WDR26: variants seen among roughly 807,000 people sequenced by gnomAD.
WDR26 encodes WD repeat domain 26, also known as WD repeat-containing protein 26.
In WDR26, 5 loss-of-function variants were observed where a neutral mutation model predicts 84.1. The observed-to-expected ratio is 0.06, with a 90% CI of 0.03 to 0.13. The LOEUF (loss-of-function observed/expected upper bound fraction) is 0.13. WDR26 is among the 10% of genes least tolerant of loss of function. The pLI, the probability that WDR26 is intolerant of heterozygous loss-of-function variation, is 1.00. For missense variants in WDR26, 642 were observed against 974.9 expected, an observed-to-expected ratio of 0.66 and a Z score of 4.55; for synonymous variants, 415 against 389.6, an observed-to-expected ratio of 1.07 and a Z score of -0.77.
At chr1:224,421,360 G>A (rs1254709125) in intron 4 of WDR26, among the ~76,000 whole-genome samples, 1 of 152,170 alleles carries the variant, frequency 6.6e-6, no homozygotes, top group East Asian at 1.9e-4. Context: ...TGAGGCAGGA[G>A]GATCACCTGA....
chr1:224,425,791 C>T (rs892181296), intron 3 of WDR26, among the ~76,000 whole-genome samples: 3 of 152,100 alleles, frequency 2.0e-5, no homozygotes, highest in Non-Finnish European at 4.4e-5. Context: ...CCAAGGAATA[C>T]AGCGGTAAAG....
chr1:224,432,799 C>T (rs142811131), intron 1 of WDR26, among the ~76,000 whole-genome samples: 36 of 152,270 alleles, frequency 2.4e-4, no homozygotes, highest in African/African-American at 7.0e-4. Flanking sequence ...ATTCTGACTC[C>T]GTCTCTTGCA....
chr1:224,392,006 A>G (rs879801643), intron 13 of WDR26, among the ~76,000 whole-genome samples: 2 of 152,206 alleles, frequency 1.3e-5, no homozygotes, highest in Non-Finnish European at 2.9e-5. Context: ...GTGAGGATCT[A>G]CATTAGTCAG....
chr1:224,407,570 G>A (rs1235063872), intron 7 of WDR26, among the ~76,000 whole-genome samples: 1 of 149,410 alleles, frequency 6.7e-6, no homozygotes, highest in East Asian at 2.0e-4. Flanking sequence ...GTGCAGTGGC[G>A]CAATCTCAAT....
chr1:224,393,116 AT>A (rs1163014958), intron 13 of WDR26, among the ~76,000 whole-genome samples: 1 of 152,186 alleles, frequency 6.6e-6, no homozygotes. Context: ...GCCTTTCTTC[AT>A]CCCCAAGTAT....
intron 5 of WDR26, chr1:224,419,307 A>T (rs1239932472): frequency 2.0e-6 from 1 of 503,006 alleles, no homozygotes; most frequent in African/African-American, 1.9e-5. Context: ...TACAAATGAA[A>T]GAAGGGCTGC....
chr1:224,389,906 G>GT, intron 13 of WDR26, 46 bp from the exon 14 acceptor site: 17 of 470,744 alleles, frequency 3.6e-5, no homozygotes, highest in Non-Finnish European at 5.5e-5. Flanking sequence ...GCGGGGGAGG[G>GT]AAGAGGGGAA....
At chr1:224,430,439 C>T (rs1674359210) in intron 3 of WDR26, 1 of 151,868 alleles carries the variant, frequency 6.6e-6, no homozygotes, top group South Asian at 2.1e-4. Flanking sequence ...AAGCCCATTT[C>T]TCTAGGATTA....
At chr1:224,403,148 G>A (rs1654495766) in intron 8 of WDR26, among the ~76,000 whole-genome samples, 1 of 151,958 alleles carries the variant, frequency 6.6e-6, no homozygotes, top group African/African-American at 2.4e-5. Context: ...TGCCTCCTGG[G>A]TTCAAGCGAT....
chr1:224,400,991 G>A lies in WDR26; in HGVS notation c.1678C>T (p.Arg560Cys). 1.2e-6 allele frequency: 2 copies of A among 1,614,042 alleles called. No homozygotes were observed. Among genetic ancestry groups the A allele is most frequent in the Non-Finnish European group, 1.7e-6 (2 of 1,180,000 alleles). ...CCACGCTGACCTCCAGTCACAAAGC[G>A]CTTCCCATCTGGATTCCAAGCCACA... is the stretch of plus-strand genomic sequence containing the variant. Residue 560 changes from arginine (R) to cysteine (C), a missense_variant, in exon 9 of 14, where the codon CGC becomes TGC. Physicochemically the swap from Arg to Cys is radical, Grantham distance 180 (BLOSUM62 -3). Coordinates refer to ENST00000414423, the MANE Select transcript of WDR26 (RefSeq NM_001379403.1).
chr1:224,419,650 A>C (rs1673999727), intron 4 of WDR26, 35 bp from the exon 5 acceptor site: 1 of 1,503,610 alleles, frequency 6.7e-7, no homozygotes, highest in African/African-American at 1.4e-5. Flanking sequence ...CCAATATTAA[A>C]CCCATTTCTT....
intron 13 of WDR26, among the ~76,000 whole-genome samples, chr1:224,391,368 A>AT (rs1673120203): frequency 8.8e-6 from 1 of 113,690 alleles, no homozygotes; most frequent in Non-Finnish European, 1.8e-5. Context: ...TGTCTCAAAA[A>AT]AAAAAAAAAA....
chr1:224,426,875 T>C (rs1197232403), intron 3 of WDR26, among the ~76,000 whole-genome samples: 5 of 151,076 alleles, frequency 3.3e-5, no homozygotes, highest in South Asian at 2.1e-4. Context: ...GGCGGGTGGA[T>C]CACGAGGTCA....
At chr1:224,390,829 G>A (rs780482314) in intron 13 of WDR26, among the ~76,000 whole-genome samples, 17 of 152,090 alleles carry the variant, frequency 1.1e-4, no homozygotes, top group Admixed American at 6.5e-4. Context: ...GGTTTTTAGT[G>A]TACCCACAGA....
chr1:224,385,622 A>G lies in WDR26; in HGVS notation c.*4213T>C, dbSNP rs1672976297. 1 of 152,646 alleles carries G rather than the reference A, an allele frequency of 6.6e-6. No homozygotes were observed. The highest frequency in any genetic ancestry group is 6.5e-5 in the Admixed American group (1 of 15,278). 9.5% of individuals were successfully genotyped at this position (152,646 alleles called of 1,614,324 possible). A position where few individuals can be genotyped will look rare whatever the true frequency, so the allele number is the denominator to read the frequency against. On this transcript the variant is annotated 3_prime_UTR_variant, in exon 14 of 14. Coordinates refer to ENST00000414423, the MANE Select transcript of WDR26 (RefSeq NM_001379403.1). ...TGACAATTTAGAAATCTTGAGATCA[A>G]CACTTAAGTTCTTTTCTTGATCTCT...
chr1:224,434,182 G>A lies in WDR26; in HGVS notation c.224C>T (p.Pro75Leu), dbSNP rs1454918747. 1.1e-5 allele frequency: 16 copies of A among 1,421,556 alleles called. No homozygotes were observed. Among genetic ancestry groups the A allele is most frequent in the Non-Finnish European group, 1.4e-5 (15 of 1,093,258 alleles). The allele number at this position is 1,421,556 out of a possible 1,614,324, so 88.1% of individuals were successfully genotyped here. The change falls in exon 1 of 14, where the codon CCC (proline) becomes CTC (leucine). Residue 75 changes from proline to leucine, a missense_variant. Physicochemically the swap from Pro to Leu is moderately conservative, Grantham distance 98. Coordinates refer to ENST00000414423, the MANE Select transcript of WDR26 (RefSeq NM_001379403.1). ...GGCGGCGGGAGGGGCAGCAGCCGGG[G>A]GAAGTCCCACCACTACCACCACGGA... is the stretch of plus-strand genomic sequence containing the variant.
At chr1:224,419,763 G>T in intron 4 of WDR26, 148 bp from the exon 5 acceptor site, 1 of 612,602 alleles carries the variant, frequency 1.6e-6, no homozygotes, top group Non-Finnish European at 2.9e-6. Flanking sequence ...AATATAATAT[G>T]GCACCTGCAT....
At position 224,434,749 on chromosome 1, in the gene WDR26, T is replaced by C. The variant is rs112454893; in HGVS notation, c.-344A>G. On this transcript the variant is annotated 5_prime_UTR_variant, in exon 1 of 14. Coordinates refer to ENST00000414423, the MANE Select transcript of WDR26 (RefSeq NM_001379403.1). The stretch of plus-strand genomic sequence containing the variant: ...CTGCCGCCTCTGTCCTCGGATCCGC[T>C]CCGCTCTGCTCCCTGGTGTGTTGAT... The C allele has an allele frequency of 7.6e-4, 755 of 987,112 alleles. 1 individual carries two copies. The highest frequency in any genetic ancestry group is 5.5e-3 in the African/African-American group (312 of 57,234). The allele number at this position is 987,112 out of a possible 1,614,324, so 61.1% of individuals were successfully genotyped here.
intron 7 of WDR26, among the ~76,000 whole-genome samples, chr1:224,406,780 A>G (rs971079373): frequency 6.6e-6 from 1 of 151,566 alleles, no homozygotes; most frequent in Non-Finnish European, 1.5e-5. Flanking sequence ...GTACTGCCCC[A>G]GATCAACACA....
Sources: allele counts gnomAD v4.1 joint callset (sites outside exome capture counted in the v4.1 genomes callset), GRCh38; gene constraint gnomAD v4.1.1; transcripts MANE v1.5; gene names NCBI Gene and HGNC (gene_info 2026-07-23, HGNC 2026-07-21).